MYO9A: variants seen among roughly 807,000 people sequenced by gnomAD.
MYO9A encodes the protein myosin IXA.
In MYO9A, 103 loss-of-function variants were observed where a neutral mutation model predicts 293.3. The observed-to-expected ratio is 0.35, with a 90% CI of 0.30 to 0.41. The LOEUF is 0.41. MYO9A is among the 10% of genes least tolerant of loss of function. The pLI is 1.00. For missense variants in MYO9A, 2,685 were observed against 3,033.0 expected, an observed-to-expected ratio of 0.89 and a Z score of 2.69; for synonymous variants, 1,001 against 1,035.7, an observed-to-expected ratio of 0.97 and a Z score of 0.64.
At chr15:71,983,395 C>A (rs1355601846) in intron 11 of MYO9A, among the ~76,000 whole-genome samples, 1 of 150,478 alleles carries the variant, frequency 6.6e-6, no homozygotes, top group African/African-American at 2.4e-5. Context: ...TCTATTTACT[C>A]CTAACTTATA....
At position 71,822,636 on chromosome 15, in the gene MYO9A, T is replaced by G. The variant is rs547865270; in HGVS notation, c.*3944A>C. 1 of 152,104 alleles carries G rather than the reference T, an allele frequency of 6.6e-6. No homozygotes were observed. Among genetic ancestry groups the G allele is most frequent in the South Asian group, 2.1e-4 (1 of 4,822 alleles). 9.4% of individuals were successfully genotyped at this position (152,104 alleles called of 1,614,324 possible). On this transcript the variant is annotated 3_prime_UTR_variant, in exon 42 of 42. Coordinates refer to ENST00000356056, the MANE Select transcript of MYO9A (RefSeq NM_006901.4). ...CAGCATACTTATAAATTACTTAAAATCCATTAAAATAATATAATACGAATC... is the reference window on the plus strand; with the variant it reads ...CAGCATACTTATAAATTACTTAAAAGCCATTAAAATAATATAATACGAATC...
intron 29 of MYO9A, among the ~76,000 whole-genome samples, 161 bp from the exon 30 acceptor site, chr15:71,879,998 A>T (rs1476595274): frequency 6.6e-6 from 1 of 152,254 alleles, no homozygotes; most frequent in Admixed American, 6.5e-5. Context: ...CAGTCAAACT[A>T]TAATTACTAC....
In MYO9A at chr15:71,826,629, G is replaced by GT. The variant is rs770551912; in HGVS notation, c.7597dup (p.Thr2533AsnfsTer12). On this transcript the variant is annotated frameshift_variant, in exon 42 of 42. Coordinates refer to ENST00000356056, the MANE Select transcript of MYO9A (RefSeq NM_006901.4). LOFTEE classifies it high-confidence loss of function. ...AAAGAGTGCTAGCTGTTGGTTGGAG[G>GT]TGCAGTCTGGGTCCACAGTTTTTCT... The GT allele has an allele frequency of 6.2e-7, 1 of 1,611,104 alleles. No individual in the cohort carries two copies. The highest frequency in any genetic ancestry group is 8.5e-7 in the Non-Finnish European group (1 of 1,179,322).
chr15:72,040,418 G>A (rs1429380141), intron 2 of MYO9A, among the ~76,000 whole-genome samples: 3 of 152,196 alleles, frequency 2.0e-5, no homozygotes, highest in African/African-American at 7.2e-5. Context: ...GGGGGGAGGA[G>A]CCTGGCCTCT....
chr15:71,828,077 A>G (rs769669902), intron 40 of MYO9A, 51 bp from the exon 41 acceptor site: 1 of 1,566,496 alleles, frequency 6.4e-7, no homozygotes, highest in Admixed American at 2.0e-5. Context: ...AGTGGAAGGA[A>G]GATAACAGAA....
At chr15:72,084,940 T>G (rs2079668439) in intron 1 of MYO9A, among the ~76,000 whole-genome samples, 1 of 152,146 alleles carries the variant, frequency 6.6e-6, no homozygotes, top group Non-Finnish European at 1.5e-5. Flanking sequence ...ATGAGTCGGG[T>G]GTCATAGATT....
chr15:72,067,329 T>C (rs2079051592), intron 1 of MYO9A, among the ~76,000 whole-genome samples: 1 of 152,100 alleles, frequency 6.6e-6, no homozygotes, highest in South Asian at 2.1e-4. Flanking sequence ...ATTTTATTTT[T>C]GAGACAGTCT....
At chr15:72,045,652 A>G in intron 2 of MYO9A, 72 bp downstream of exon 2, 1 of 1,454,964 alleles carries the variant, frequency 6.9e-7, no homozygotes, top group Non-Finnish European at 9.1e-7. Context: ...TACCTCCAGG[A>G]ATGGTACACC....
At chr15:71,951,673 C>A in intron 15 of MYO9A, 104 bp downstream of exon 15, 1 of 1,319,834 alleles carries the variant, frequency 7.6e-7, no homozygotes. Flanking sequence ...TTTATGGAGG[C>A]CATGTTGCCC....
intron 18 of MYO9A, among the ~76,000 whole-genome samples, chr15:71,928,094 G>A (rs1366663084): frequency 3.4e-5 from 1 of 29,620 alleles, no homozygotes; most frequent in African/African-American, 1.1e-4. Flanking sequence ...TTTTTGAGGC[G>A]GAGTCTCGCT....
chr15:71,965,159 A>T (rs1314047675), intron 13 of MYO9A, among the ~76,000 whole-genome samples: 2 of 151,584 alleles, frequency 1.3e-5, no homozygotes, highest in African/African-American at 4.8e-5. Context: ...TTCTTTTTTG[A>T]CTCATGGGTT....
At chr15:72,110,435 C>CAAAAAAAAAAAAAAAAAAA (rs397854173) in intron 1 of MYO9A, among the ~76,000 whole-genome samples, 1 of 45,106 alleles carries the variant, frequency 2.2e-5, no homozygotes, top group Non-Finnish European at 4.7e-5. Flanking sequence ...GACTCCATCT[C>CAAAAAAAAAAAAAAAAAAA]AAAAAAAAAA....
At chr15:71,911,023 GT>G (rs2144455372) in intron 19 of MYO9A, among the ~76,000 whole-genome samples, 1 of 152,190 alleles carries the variant, frequency 6.6e-6, no homozygotes, top group African/African-American at 2.4e-5. Context: ...CTACAGTCCA[GT>G]TTTAGAACTC....
At chr15:71,967,034 T>C (rs1354754425) in intron 13 of MYO9A, among the ~76,000 whole-genome samples, 1 of 152,196 alleles carries the variant, frequency 6.6e-6, no homozygotes, top group Admixed American at 6.5e-5. Context: ...CCTATAATAT[T>C]CATCATCCGA....
chr15:72,088,993 A>G (rs1411302327), intron 1 of MYO9A, among the ~76,000 whole-genome samples: 2 of 152,226 alleles, frequency 1.3e-5, no homozygotes, highest in Admixed American at 1.3e-4. Context: ...CAAAGGCAAG[A>G]GTATGATCAG....
chr15:72,045,745 A>G lies in MYO9A; in HGVS notation c.819T>C (p.Leu273=), dbSNP rs140691806. Residue 273 remains leucine, a synonymous_variant, in exon 2 of 42, where the codon CTT becomes CTC. Transcript: ENST00000356056. ...GFASGVEQII[L]GAGPVLEAFG... The stretch of plus-strand genomic sequence containing the variant: ...TTACCTCAAGTACTGGTCCAGCTCC[A>G]AGAATAATCTGTTCTACTCCACTGG... The G allele has an allele frequency of 1.9e-5, 30 of 1,603,366 alleles. No homozygotes were observed. The African/African-American group carries it at 3.4e-4, about 18-fold the overall frequency.
chr15:72,019,610 G>T (rs949319684), intron 5 of MYO9A, among the ~76,000 whole-genome samples: 1 of 151,940 alleles, frequency 6.6e-6, no homozygotes, highest in African/African-American at 2.4e-5. Flanking sequence ...TATCAGAAAT[G>T]GATACTTTAA....
intron 13 of MYO9A, among the ~76,000 whole-genome samples, chr15:71,966,675 C>T (rs2075886048): frequency 6.6e-6 from 1 of 152,154 alleles, no homozygotes; most frequent in South Asian, 2.1e-4. Flanking sequence ...GGATCCCCCC[C>T]AACCTCTACT....
Position 71,824,309 on chromosome 15 carries a change from G to A in MYO9A, c.*2271C>T, listed in dbSNP as rs187558981. 1.5e-3 allele frequency: 235 copies of A among 152,222 alleles called. 1 individual carries two copies. Among genetic ancestry groups the A allele is most frequent in the African/African-American group, 4.9e-3 (205 of 41,554 alleles). 9.4% of individuals were successfully genotyped at this position (152,222 alleles called of 1,614,324 possible). A position where few individuals can be genotyped will look rare whatever the true frequency, so the allele number is the denominator to read the frequency against. ...TCCTTTAAAGTGACCTACATCAGTC[G>A]TTTTTTAACTGCCAAAAAACTTATT... On this transcript the variant is annotated 3_prime_UTR_variant, in exon 42 of 42. Transcript: ENST00000356056.
Sources: allele counts gnomAD v4.1 joint callset (sites outside exome capture counted in the v4.1 genomes callset), GRCh38; gene constraint gnomAD v4.1.1; transcripts MANE v1.5; gene names NCBI Gene and HGNC (gene_info 2026-07-23, HGNC 2026-07-21).